HK2: variants seen among roughly 807,000 people sequenced by gnomAD.
HK2 encodes the protein hexokinase-2.
HK2 carries 42 observed loss-of-function variants against 92.9 expected under a neutral mutation model. That is an observed-to-expected ratio of 0.45 (90% CI 0.35 to 0.58). The LOEUF (loss-of-function observed/expected upper bound fraction) is 0.58, where lower values mean the gene tolerates loss of function less well. Among genes scored for constraint, HK2 ranks in the 20% least tolerant of loss-of-function variants. HK2 has a pLI of 0.00. For synonymous variants in HK2, 422 were observed against 468.0 expected (o/e 0.90, Z 1.27); for missense variants, 978 against 1,245.1 (o/e 0.79, Z 3.23).
chr2:74,871,341 T>G (rs1689093657), intron 3 of HK2, among the ~76,000 whole-genome samples: 1 of 152,226 alleles, frequency 6.6e-6, no homozygotes, highest in Non-Finnish European at 1.5e-5. Flanking sequence ...CCACCTTGGC[T>G]TTTAGATTTT....
In HK2 at chr2:74,865,054, G is replaced by A. The variant is rs745621993; in HGVS notation, c.227-2582G>A. Among the ~76,000 whole-genome samples, 41 of 151,620 alleles carry A rather than the reference G, an allele frequency of 2.7e-4. No homozygotes were observed. The Middle Eastern group carries it at 0.01, about 38-fold the overall frequency. The stretch of plus-strand genomic sequence containing the variant: ...CATGGGCACGTAACCATGCGTGGGC[G>A]TTACGAGAGGGCCCGTCTCAGGATT... On this transcript the variant is annotated intron_variant, in intron 2 of 17. Transcript: ENST00000290573.
At chr2:74,841,559 T>G (rs970579903) in intron 1 of HK2, among the ~76,000 whole-genome samples, 5 of 152,108 alleles carry the variant, frequency 3.3e-5, no homozygotes, top group African/African-American at 1.2e-4. Context: ...TTGTCAACAG[T>G]GTGCCATGTC....
intron 2 of HK2, among the ~76,000 whole-genome samples, chr2:74,857,428 C>T (rs140456997): frequency 4.4e-4 from 67 of 152,334 alleles, no homozygotes; most frequent in African/African-American, 1.5e-3. Context: ...AGCAATTCCA[C>T]TTCCAACTAT....
rs1041413335 is a variant in HK2 at position 74,891,432 on chromosome 2, G to A, written c.*491G>A. 1.2e-5 allele frequency: 2 copies of A among 173,296 alleles called. No individual in the cohort carries two copies. Among genetic ancestry groups the A allele is most frequent in the Admixed American group, 5.6e-5 (1 of 18,004 alleles). 10.7% of individuals were successfully genotyped at this position (173,296 alleles called of 1,614,324 possible). A position where few individuals can be genotyped will look rare whatever the true frequency, so the allele number is the denominator to read the frequency against. ...CCTATAGGCAGACGTGGGGAGGGTG[G>A]AGGGGTGACAGTGGAGGAAAATCCA... On this transcript the variant is annotated 3_prime_UTR_variant, in exon 18 of 18. Coordinates refer to ENST00000290573, the MANE Select transcript of HK2 (RefSeq NM_000189.5).
chr2:74,839,216 T>C (rs1218058390), intron 1 of HK2, among the ~76,000 whole-genome samples: 1 of 152,092 alleles, frequency 6.6e-6, no homozygotes, highest in Non-Finnish European at 1.5e-5. Flanking sequence ...CCCAGATACT[T>C]TTCAGTTGTC....
chr2:74,841,699 T>C (rs890461312), intron 1 of HK2, among the ~76,000 whole-genome samples: 1 of 152,150 alleles, frequency 6.6e-6, no homozygotes, highest in Non-Finnish European at 1.5e-5. Context: ...CGGGAGCTAG[T>C]TGCTGTTTCT....
At chr2:74,870,177 T>G (rs533582016) in intron 3 of HK2, among the ~76,000 whole-genome samples, 1 of 152,012 alleles carries the variant, frequency 6.6e-6, no homozygotes, top group East Asian at 1.9e-4. Context: ...CCCGGCTAAT[T>G]TTTTGAATTT....
rs758777820 is a variant in HK2 at position 74,890,990 on chromosome 2, T to C, written c.*49T>C. ...TCCTCTTTCTCTCCTTCTTCCCTGT[T>C]TTAAATTATAAGATGTCATCCCCTT... On this transcript the variant is annotated 3_prime_UTR_variant, in exon 18 of 18. Transcript: ENST00000290573. 1.2e-6 allele frequency: 2 copies of C among 1,602,724 alleles called. No individual in the cohort carries two copies. Among genetic ancestry groups the C allele is most frequent in the South Asian group, 2.2e-5 (2 of 90,514 alleles).
At chr2:74,881,374 C>T (rs1037607760) in intron 10 of HK2, among the ~76,000 whole-genome samples, 5 of 152,154 alleles carry the variant, frequency 3.3e-5, no homozygotes, top group Admixed American at 1.3e-4. Context: ...CGTATGGCCC[C>T]GGGCAAGTGA....
rs778574566 is a variant in HK2 at position 74,874,269 on chromosome 2, C to T, written c.695C>T (p.Thr232Met). The T allele has an allele frequency of 2.5e-6, 4 of 1,614,064 alleles. No individual in the cohort carries two copies. Among genetic ancestry groups the T allele is most frequent in the East Asian group, 2.2e-5 (1 of 44,882 alleles). ...TAGCCGTCCCTTGTTTTGGCAGGCACGGGCAGCAACGCCTGCTACATGGAA... is the reference window on the plus strand; with the variant it reads ...TAGCCGTCCCTTGTTTTGGCAGGCATGGGCAGCAACGCCTGCTACATGGAA... ...HNCEIGLIVG[T>M]GSNACYMEEM... Residue 232 changes from threonine to methionine, a missense_variant, in exon 7 of 18, where the codon ACG becomes ATG. Around this residue, in one of 3 missense-constraint regions of HK2, gnomAD observed 189 missense variants for 289.5 expected, o/e 0.65. Transcript: ENST00000290573.
chr2:74,847,688 G>A (rs1301890486), intron 1 of HK2, among the ~76,000 whole-genome samples: 2 of 150,062 alleles, frequency 1.3e-5, no homozygotes. Context: ...CTGGGCAGCC[G>A]AGCAAGACTC....
At chr2:74,885,885 C>CACACAG (rs58908262) in intron 13 of HK2, among the ~76,000 whole-genome samples, 1 of 148,420 alleles carries the variant, frequency 6.7e-6, no homozygotes, top group African/African-American at 2.5e-5. Flanking sequence ...CACACACACA[C>CACACAG]AGTAAAGGAA....
rs894014535 is a variant in HK2, at chr2:74,837,672, CTTTTT to C, written c.63+3047_63+3051del. Among the ~76,000 whole-genome samples the C allele has an allele frequency of 1.7e-4, 18 of 104,132 alleles. 1 individual carries two copies. Among genetic ancestry groups the C allele is most frequent in the African/African-American group, 5.5e-4 (15 of 27,098 alleles). The allele number at this position is 104,132 out of a possible 152,430, so 68.3% of individuals were successfully genotyped here. On this transcript the variant is annotated intron_variant, in intron 1 of 17. Coordinates refer to ENST00000290573, the MANE Select transcript of HK2 (RefSeq NM_000189.5). ...TCACACTAGGTCCTTTTGCCCTTGTCTTTTTTTTTTTTTTTTTTTTTTGAGACACA... is the reference window on the plus strand; with the variant it reads ...TCACACTAGGTCCTTTTGCCCTTGTCTTTTTTTTTTTTTTTTTGAGACACA...
intron 7 of HK2, among the ~76,000 whole-genome samples, chr2:74,874,660 G>C (rs1299183097): frequency 6.6e-6 from 1 of 152,230 alleles, no homozygotes; most frequent in Non-Finnish European, 1.5e-5. Context: ...CTAATAATGT[G>C]TTTCCTTCAC....
At chr2:74,858,537 T>A (rs1292245438) in intron 2 of HK2, among the ~76,000 whole-genome samples, 2 of 152,254 alleles carry the variant, frequency 1.3e-5, no homozygotes, top group Non-Finnish European at 2.9e-5. Flanking sequence ...CTTTCTCACA[T>A]GTGTTACAAA....
intron 16 of HK2, among the ~76,000 whole-genome samples, 196 bp downstream of exon 16, chr2:74,888,254 T>C (rs1017149389): frequency 6.6e-6 from 1 of 152,254 alleles, no homozygotes; most frequent in African/African-American, 2.4e-5. Context: ...AGCATTCTCA[T>C]GAAAGTTTGT....
At position 74,886,386 on chromosome 2, in the gene HK2, CATT is replaced by C. The variant is rs1558805779; in HGVS notation, c.2029_2031del (p.Ile677del). The C allele has an allele frequency of 6.2e-7, 1 of 1,614,118 alleles. No homozygotes were observed. The highest frequency in any genetic ancestry group is 1.7e-5 in the Admixed American group (1 of 60,012). Reference sequence around the variant, plus strand: ...AAGACCCTCACTGTGAAGTTGGCCTCATTGTTGGTAAGGACCCAGACTGTCCTT... The same window carrying C: ...AAGACCCTCACTGTGAAGTTGGCCTCGTTGGTAAGGACCCAGACTGTCCTT... On this transcript the variant is annotated inframe_deletion, in exon 14 of 18. Transcript: ENST00000290573.
chr2:74,890,880 G>T lies in HK2; in HGVS notation c.2693G>T (p.Gly898Val), dbSNP rs1689660750. 1 of 1,614,248 alleles carries T rather than the reference G, an allele frequency of 6.2e-7. No individual in the cohort carries two copies. Among genetic ancestry groups the T allele is most frequent in the Non-Finnish European group, 8.5e-7 (1 of 1,180,050 alleles). The change falls in exon 18 of 18, where the codon GGG becomes GTG. Residue 898 changes from glycine to valine, a missense_variant. Around this residue, in one of 3 missense-constraint regions of HK2, gnomAD observed 742 missense variants for 922.5 expected, o/e 0.80. Transcript: ENST00000290573. ...TTCCTGCAGTCAGAGGATGGCAGCG[G>T]GAAGGGGGCGGCGCTCATCACTGCT... is the stretch of plus-strand genomic sequence containing the variant. ...VSFLQSEDGSGKGAALITAVA... is the reference protein window; with the variant it reads ...VSFLQSEDGSVKGAALITAVA...
intron 16 of HK2, 26 bp downstream of exon 16, chr2:74,888,084 A>G (rs374627374): frequency 6.2e-7 from 1 of 1,613,122 alleles, no homozygotes; most frequent in Non-Finnish European, 8.5e-7. Context: ...TCAGGGTAGC[A>G]GGGGGGCCAT....
Sources: allele counts gnomAD v4.1 joint callset (sites outside exome capture counted in the v4.1 genomes callset), GRCh38; gene constraint gnomAD v4.1.1; regional missense constraint gnomAD v4.1.1; transcripts MANE v1.5; gene names NCBI Gene and HGNC (gene_info 2026-07-23, HGNC 2026-07-21).